Variants in CSNK1G2 observed in about 807,000 individuals in gnomAD.
CSNK1G2 encodes casein kinase I isoform gamma-2.
Under a neutral mutation model 48.0 loss-of-function variants are expected in CSNK1G2, and 11 were observed. The ratio of observed to expected loss-of-function variants is 0.23; its 90% CI spans 0.14 to 0.38. The LOEUF (loss-of-function observed/expected upper bound fraction) is 0.38. CSNK1G2 is among the 10% of genes least tolerant of loss of function. CSNK1G2 has a pLI of 1.00. For missense variants in CSNK1G2, 446 were observed against 595.5 expected (o/e 0.75, Z 2.61); for synonymous variants, 337 against 254.1 (o/e 1.33, Z -3.10).
At chr19:1,961,585 A>G (rs2015200625) in intron 1 of CSNK1G2, among the ~76,000 whole-genome samples, 1 of 152,084 alleles carries the variant, frequency 6.6e-6, no homozygotes, top group African/African-American at 2.4e-5. Flanking sequence ...GGCGTGAGGT[A>G]CTGTCTGGAA....
intron 1 of CSNK1G2, among the ~76,000 whole-genome samples, chr19:1,964,948 G>C (rs1191902815): frequency 6.6e-6 from 1 of 150,792 alleles, no homozygotes; most frequent in Non-Finnish European, 1.5e-5. Flanking sequence ...GGATGGTCTC[G>C]ATCTCCTGAC....
chr19:1,980,455 T>A lies in CSNK1G2; in HGVS notation c.*252T>A, dbSNP rs1401618261. 1 of 555,180 alleles carries A rather than the reference T, an allele frequency of 1.8e-6. No individual in the cohort carries two copies. Among genetic ancestry groups the A allele is most frequent in the Non-Finnish European group, 3.2e-6 (1 of 311,130 alleles). 34.4% of individuals were successfully genotyped at this position (555,180 alleles called of 1,614,324 possible). A position where few individuals can be genotyped will look rare whatever the true frequency, so the allele number is the denominator to read the frequency against. On this transcript the variant is annotated 3_prime_UTR_variant, in exon 12 of 12. Coordinates refer to ENST00000255641, the MANE Select transcript of CSNK1G2 (RefSeq NM_001319.7). The stretch of plus-strand genomic sequence containing the variant: ...CCTCCCCTCCAAGAGCATTAACTAT[T>A]TAAAACAAGGAAAAGAGGAAAAAAA...
Position 1,979,084 on chromosome 19 carries a change from C to T in CSNK1G2, c.673C>T (p.Leu225=), listed in dbSNP as rs757105761. 4.4e-6 allele frequency: 7 copies of T among 1,599,008 alleles called. No individual in the cohort carries two copies. The highest frequency in any genetic ancestry group is 5.1e-6 in the Non-Finnish European group (6 of 1,178,642). The change falls in exon 6 of 12, where the codon CTG becomes TTG. Residue 225 remains leucine (L), a synonymous_variant. Transcript: ENST00000255641. ...GCGCTACATGAGCATCAACACGCAC[C>T]TGGGCAAGGGTGAGCTGCGCGCGCG... ...TARYMSINTH[L]GKEQSRRDDL... is the part of the protein sequence containing the mutation.
At chr19:1,963,759 T>C (rs2015276750) in intron 1 of CSNK1G2, among the ~76,000 whole-genome samples, 1 of 151,288 alleles carries the variant, frequency 6.6e-6, no homozygotes. Flanking sequence ...CCACCCACTT[T>C]GGCCTTCCAA....
Position 1,978,456 on chromosome 19 carries a change from C to A in CSNK1G2, c.243C>A (p.Ser81=). 6.2e-7 allele frequency: 1 copy of A among 1,608,420 alleles called. No homozygotes were observed. The highest frequency in any genetic ancestry group is 2.2e-5 in the East Asian group (1 of 44,652). ...YVAIKLEPIK[S]RAPQLHLEYR... is the part of the protein sequence containing the mutation. ...TGTGCCCCCAGGAGCCGATCAAGTC[C>A]CGGGCCCCGCAGCTGCACCTGGAGT... The change falls in exon 4 of 12, where the codon TCC becomes TCA. Residue 81 remains serine (S), a synonymous_variant. Coordinates refer to ENST00000255641, the MANE Select transcript of CSNK1G2 (RefSeq NM_001319.7). This position sits in a 1 kb window ranked among gnomAD's most constrained non-coding sequence, Gnocchi z 7.3.
At position 1,951,751 on chromosome 19, in the gene CSNK1G2, G is replaced by A. The variant is rs1198902747; in HGVS notation, c.-266+10333G>A. On this transcript the variant is annotated intron_variant, in intron 1 of 11. Coordinates refer to ENST00000255641, the MANE Select transcript of CSNK1G2 (RefSeq NM_001319.7). ...GCTGGAGTGCAGTGGTGTGATCTCCGTTCACTGCACGCTCCGCCTCCCGGG... is the reference window on the plus strand; with the variant it reads ...GCTGGAGTGCAGTGGTGTGATCTCCATTCACTGCACGCTCCGCCTCCCGGG... Among the ~76,000 whole-genome samples the A allele has an allele frequency of 3.5e-5, 5 of 144,906 alleles. 2 individuals carry two copies. The highest frequency in any genetic ancestry group is 4.5e-4 in the South Asian group (2 of 4,490).
At chr19:1,945,327 C>A (rs112107286) in intron 1 of CSNK1G2, among the ~76,000 whole-genome samples, 1 of 150,398 alleles carries the variant, frequency 6.6e-6, no homozygotes, top group Non-Finnish European at 1.5e-5. Context: ...GCTGACTGTT[C>A]GGGGCACGCG....
chr19:1,958,397 C>T (rs570543998), intron 1 of CSNK1G2, among the ~76,000 whole-genome samples: 2 of 152,030 alleles, frequency 1.3e-5, no homozygotes, highest in Admixed American at 1.3e-4. Flanking sequence ...AGCTGCCCGG[C>T]TCCTGCTAGG....
At chr19:1,941,749 A>T (rs1319494033) in intron 1 of CSNK1G2, among the ~76,000 whole-genome samples, 1 of 138,804 alleles carries the variant, frequency 7.2e-6, no homozygotes, top group Non-Finnish European at 1.6e-5. Flanking sequence ...AGTGACCCTC[A>T]CACTCCAGAC....
At chr19:1,948,781 C>T (rs1161775936) in intron 1 of CSNK1G2, among the ~76,000 whole-genome samples, 1 of 152,184 alleles carries the variant, frequency 6.6e-6, no homozygotes, top group East Asian at 1.9e-4. Flanking sequence ...TCGAGTCCTC[C>T]AGATGCCGCT....
At chr19:1,948,847 A>C (rs2014665299) in intron 1 of CSNK1G2, among the ~76,000 whole-genome samples, 1 of 152,234 alleles carries the variant, frequency 6.6e-6, no homozygotes, top group African/African-American at 2.4e-5. Flanking sequence ...CCGCGCACAC[A>C]TACCTCGTGT....
intron 1 of CSNK1G2, chr19:1,954,437 C>G (rs957770367): frequency 5.8e-6 from 1 of 172,424 alleles, no homozygotes; most frequent in Non-Finnish European, 1.3e-5. Context: ...CCGGCCTGGA[C>G]AGAGCTGCCC....
intron 1 of CSNK1G2, among the ~76,000 whole-genome samples, chr19:1,966,129 A>G (rs568960491): frequency 6.4e-4 from 97 of 152,302 alleles, no homozygotes; most frequent in African/African-American, 2.2e-3. Flanking sequence ...ATACATTTGT[A>G]AGGCTCTAGG....
At chr19:1,950,480 G>A (rs2014725712) in intron 1 of CSNK1G2, among the ~76,000 whole-genome samples, 1 of 147,134 alleles carries the variant, frequency 6.8e-6, no homozygotes, top group Non-Finnish European at 1.5e-5. Context: ...ACTCAGCAGT[G>A]TTGGAGAACT....
chr19:1,947,383 C>T (rs1255161132), intron 1 of CSNK1G2, among the ~76,000 whole-genome samples: 1 of 152,226 alleles, frequency 6.6e-6, no homozygotes, highest in South Asian at 2.1e-4. Context: ...TCTGCCCCTT[C>T]CCATCTGACC....
intron 1 of CSNK1G2, among the ~76,000 whole-genome samples, chr19:1,948,992 G>T (rs546068037): frequency 6.6e-6 from 1 of 152,170 alleles, no homozygotes; most frequent in Non-Finnish European, 1.5e-5. Flanking sequence ...TGTCCTCGTC[G>T]TGTTCACGTT....
chr19:1,958,248 G>C (rs903142491), intron 1 of CSNK1G2, among the ~76,000 whole-genome samples: 1 of 152,032 alleles, frequency 6.6e-6, no homozygotes, highest in East Asian at 1.9e-4. Flanking sequence ...CTTCCTTCTC[G>C]GTGGTTCCCA....
intron 1 of CSNK1G2, chr19:1,942,339 C>G (rs2014398559): frequency 6.6e-6 from 1 of 152,330 alleles, no homozygotes; most frequent in Non-Finnish European, 1.5e-5. Flanking sequence ...GGGACTGTTG[C>G]GTCTTGAGCC....
intron 1 of CSNK1G2, chr19:1,968,869 C>T (rs1464613212): frequency 6.5e-6 from 1 of 152,880 alleles, no homozygotes; most frequent in African/African-American, 2.4e-5. Flanking sequence ...GCCTGCCCCG[C>T]TCCACCAGTG....
Sources: gnomAD v4.1 joint callset for allele counts (sites outside exome capture counted in the v4.1 genomes callset) on GRCh38, gnomAD v4.1.1 for gene constraint, Gnocchi (gnomAD v3.1) non-coding constraint, MANE v1.5 for transcripts, NCBI Gene and HGNC (gene_info 2026-07-23, HGNC 2026-07-21) for gene names.